The following KCNC2 variants were observed in gnomAD, a reference collection of about 807,000 sequenced individuals.
KCNC2 encodes the protein voltage-gated potassium channel KCNC2.
A neutral mutation model predicts 44.5 loss-of-function variants in KCNC2; 21 were observed. The observed-to-expected ratio is 0.47, with a 90% CI of 0.33 to 0.68. KCNC2 has a LOEUF of 0.68. Ranked by LOEUF, KCNC2 falls within the 30% of genes least tolerant of loss-of-function variation. The probability of loss-of-function intolerance (pLI) is 0.01; values close to 1 mark genes in which losing one functional copy is unlikely to be tolerated. For synonymous variants in KCNC2, 391 were observed against 339.1 expected (o/e 1.15, Z -1.68); for missense variants, 589 against 826.2 (o/e 0.71, Z 3.52).
chr12:75,157,755 T>C (rs1430200283), intron 2 of KCNC2, among the ~76,000 whole-genome samples: 4 of 151,912 alleles, frequency 2.6e-5, no homozygotes. Flanking sequence ...AGACTCTGAA[T>C]GACTACTGAC....
At chr12:75,101,218 A>C (rs1447567706) in intron 2 of KCNC2, among the ~76,000 whole-genome samples, 1 of 152,070 alleles carries the variant, frequency 6.6e-6, no homozygotes, top group Admixed American at 6.6e-5. Flanking sequence ...CATTCAAAAA[A>C]CCAATCCAGC....
At chr12:75,114,561 A>C (rs1198238416) in intron 2 of KCNC2, among the ~76,000 whole-genome samples, 1 of 152,138 alleles carries the variant, frequency 6.6e-6, no homozygotes, top group African/African-American at 2.4e-5. Flanking sequence ...GCTATAAAGA[A>C]AAATATATCG....
chr12:75,201,262 G>GAAAAAAAAAAAAAAAAAAAAAA lies in KCNC2; in HGVS notation c.687+6013_687+6034dup, dbSNP rs1313998973. Among the ~76,000 whole-genome samples the GAAAAAAAAAAAAAAAAAAAAAA allele has an allele frequency of 2.2e-4, 4 of 18,468 alleles. 2 individuals are homozygous for GAAAAAAAAAAAAAAAAAAAAAA. The highest frequency in any genetic ancestry group is 4.0e-4 in the Non-Finnish European group (4 of 9,912). The allele number at this position is 18,468 out of a possible 152,430, so 12.1% of individuals were successfully genotyped here. A position where few individuals can be genotyped will look rare whatever the true frequency, so the allele number is the denominator to read the frequency against. ...GGGCAGAAAGTTACAAACGAAATTG[G>GAAAAAAAAAAAAAAAAAAAAAA]AAAAAAAAAAAAAAAAAAAAAAAAA... On this transcript the variant is annotated intron_variant, in intron 2 of 4. Coordinates refer to ENST00000549446, the MANE Select transcript of KCNC2 (RefSeq NM_139137.4).
chr12:75,112,378 C>G lies in KCNC2; in HGVS notation c.688-61061G>C, dbSNP rs977622769. Among the ~76,000 whole-genome samples, 3 of 151,960 alleles carry G rather than the reference C, an allele frequency of 2.0e-5. No homozygotes were observed. In the South Asian group the frequency reaches 6.2e-4, roughly 31 times the overall value. ...TTTAGTTTCAAGGACTTCTAAGAAG[C>G]AGAAGAAATTTTAAATCTTCAAAAG... On this transcript the variant is annotated intron_variant, in intron 2 of 4. Coordinates refer to ENST00000549446, the MANE Select transcript of KCNC2 (RefSeq NM_139137.4).
chr12:75,082,571 A>G (rs1326951419), intron 2 of KCNC2, among the ~76,000 whole-genome samples: 3 of 151,108 alleles, frequency 2.0e-5, no homozygotes, highest in Non-Finnish European at 4.4e-5. Flanking sequence ...GATAATGTTG[A>G]AAAAGTTAGC....
chr12:75,101,128 T>C (rs964307601), intron 2 of KCNC2, among the ~76,000 whole-genome samples: 1 of 152,102 alleles, frequency 6.6e-6, no homozygotes, highest in African/African-American at 2.4e-5. Context: ...TCTTGGGATT[T>C]CAAACCTTAT....
chr12:75,188,193 T>C (rs1348363732), intron 2 of KCNC2, among the ~76,000 whole-genome samples: 1 of 152,190 alleles, frequency 6.6e-6, no homozygotes, highest in Non-Finnish European at 1.5e-5. Flanking sequence ...GAGTTATCGA[T>C]CTTTATTTGA....
At chr12:75,136,499 G>A (rs1889240148) in intron 2 of KCNC2, among the ~76,000 whole-genome samples, 1 of 151,928 alleles carries the variant, frequency 6.6e-6, no homozygotes, top group South Asian at 2.1e-4. Flanking sequence ...AATTACAACT[G>A]ATACCACAGA....
At chr12:75,063,396 A>G (rs2136999946) in intron 2 of KCNC2, among the ~76,000 whole-genome samples, 1 of 152,206 alleles carries the variant, frequency 6.6e-6, no homozygotes. Flanking sequence ...CTTGGATTGA[A>G]TTGATTCAAT....
At chr12:75,110,682 G>A (rs1887162949) in intron 2 of KCNC2, among the ~76,000 whole-genome samples, 1 of 152,014 alleles carries the variant, frequency 6.6e-6, no homozygotes, top group Admixed American at 6.6e-5. Context: ...GATATGTGGT[G>A]TTCTAATTAT....
rs542152072 is a variant in KCNC2 at position 75,088,904 on chromosome 12, T to C, written c.688-37587A>G. Among the ~76,000 whole-genome samples the C allele has an allele frequency of 1.3e-4, 19 of 151,978 alleles. No homozygotes were observed. The South Asian group carries it at 3.9e-3, about 32-fold the overall frequency. The stretch of plus-strand genomic sequence containing the variant: ...AACAGTGCTGAATCACAAATCCAAA[T>C]GCATCTTAAACAGAGGTTCTTGCTT... On this transcript the variant is annotated intron_variant, in intron 2 of 4. Coordinates refer to ENST00000549446, the MANE Select transcript of KCNC2 (RefSeq NM_139137.4).
intron 2 of KCNC2, among the ~76,000 whole-genome samples, chr12:75,125,327 T>C (rs369838007): frequency 1.4e-5 from 2 of 145,576 alleles, no homozygotes; most frequent in African/African-American, 5.2e-5. Flanking sequence ...ATTTTGAAAA[T>C]AATCTCTAGG....
chr12:75,189,578 T>C lies in KCNC2; in HGVS notation c.687+17719A>G, dbSNP rs1307433774. On this transcript the variant is annotated intron_variant, in intron 2 of 4. Transcript: ENST00000549446. ...TGTACCAACCTGTGCTAGGCATCAGTAATTAATTAAACTTGTGCTAGGCAT... is the reference window on the plus strand; with the variant it reads ...TGTACCAACCTGTGCTAGGCATCAGCAATTAATTAAACTTGTGCTAGGCAT... Among the ~76,000 whole-genome samples the C allele has an allele frequency of 7.2e-5, 11 of 152,338 alleles. No homozygotes were observed. The South Asian group carries it at 1.4e-3, about 20-fold the overall frequency.
At chr12:75,121,956 GGAC>G (rs1888076757) in intron 2 of KCNC2, among the ~76,000 whole-genome samples, 1 of 1,340 alleles carries the variant, frequency 7.5e-4, no homozygotes, top group Admixed American at 0.011. Flanking sequence ...CTGACTCAGT[GGAC>G]TCAGTGTCAA....
chr12:75,129,477 G>A (rs972750097), intron 2 of KCNC2, among the ~76,000 whole-genome samples: 11 of 152,110 alleles, frequency 7.2e-5, no homozygotes, highest in Middle Eastern at 3.4e-3. Context: ...TATCTTGTTC[G>A]TTCTAACTTC....
chr12:75,054,216 ACT>A lies in KCNC2; in HGVS notation c.688-2901_688-2900del, dbSNP rs540525356. Among the ~76,000 whole-genome samples the A allele has an allele frequency of 4.6e-5, 7 of 150,598 alleles. 1 individual carries two copies. The South Asian group carries it at 1.3e-3, about 27-fold the overall frequency. The stretch of plus-strand genomic sequence containing the variant: ...ACTCGAGCCTGGGCAACAGAGAGAG[ACT>A]CTGTCTCCAATTAAAAAAAAAAAAA... On this transcript the variant is annotated intron_variant, in intron 2 of 4. Transcript: ENST00000549446.
At chr12:75,103,729 C>T (rs1886556228) in intron 2 of KCNC2, among the ~76,000 whole-genome samples, 1 of 152,078 alleles carries the variant, frequency 6.6e-6, no homozygotes, top group African/African-American at 2.4e-5. Context: ...GCAAATAGTA[C>T]CTAACCCTAT....
chr12:75,056,290 TATACTATA>T (rs1166673084), intron 2 of KCNC2, among the ~76,000 whole-genome samples: 2 of 151,986 alleles, frequency 1.3e-5, no homozygotes, highest in African/African-American at 2.4e-5. Context: ...AAAATCAGCC[TATACTATA>T]AAATATAAAG....
chr12:75,066,194 G>A (rs1176967848), intron 2 of KCNC2, among the ~76,000 whole-genome samples: 1 of 151,952 alleles, frequency 6.6e-6, no homozygotes, highest in African/African-American at 2.4e-5. Flanking sequence ...TGTTCACAGT[G>A]TCACAATAAA....
Sources: gnomAD v4.1 joint callset for allele counts (sites outside exome capture counted in the v4.1 genomes callset) on GRCh38, gnomAD v4.1.1 for gene constraint, MANE v1.5 for transcripts, NCBI Gene and HGNC (gene_info 2026-07-23, HGNC 2026-07-21) for gene names.